The following KLHL5 variants were observed in gnomAD, a reference collection of about 807,000 sequenced individuals.
KLHL5 encodes the protein kelch-like protein 5.
In KLHL5, 48 loss-of-function variants were observed where a neutral mutation model predicts 77.7. The ratio of observed to expected loss-of-function variants is 0.62; its 90% CI spans 0.49 to 0.79. The LOEUF is 0.79. KLHL5 is among the 30% of genes least tolerant of loss of function. The pLI, the probability that KLHL5 is intolerant of heterozygous loss-of-function variation, is 0.00. For synonymous variants in KLHL5, 260 were observed against 297.0 expected (o/e 0.88, Z 1.28); for missense variants, 723 against 859.7 (o/e 0.84, Z 1.99).
At chr4:39,077,716 A>T (rs1270154818) in intron 2 of KLHL5, among the ~76,000 whole-genome samples, 2 of 150,212 alleles carry the variant, frequency 1.3e-5, no homozygotes, top group Non-Finnish European at 3.0e-5. Context: ...AAAACAAAAA[A>T]CAAACAAACA....
chr4:39,142,603 C>T, the KLHL5 span, among the ~76,000 whole-genome samples: 1 of 152,082 alleles, frequency 6.6e-6, no homozygotes, highest in Non-Finnish European at 1.5e-5. Context: ...AAAATGAAGA[C>T]TGACTCCCAG....
chr4:39,098,006 TGCCTGTAGTCCCA>T (rs1721220044), intron 6 of KLHL5, among the ~76,000 whole-genome samples: 1 of 151,438 alleles, frequency 6.6e-6, no homozygotes, highest in Non-Finnish European at 1.5e-5. Context: ...TGGTGGTGCA[TGCCTGTAGTCCCA>T]GCTACACGTG....
At chr4:39,048,212 A>C (rs1716345893) in intron 1 of KLHL5, among the ~76,000 whole-genome samples, 1 of 152,208 alleles carries the variant, frequency 6.6e-6, no homozygotes, top group Non-Finnish European at 1.5e-5. Flanking sequence ...GCAAGTACAG[A>C]GAGTTGAGAG....
chr4:39,087,644 C>T (rs1720171774), intron 5 of KLHL5, among the ~76,000 whole-genome samples: 1 of 152,126 alleles, frequency 6.6e-6, no homozygotes, highest in Non-Finnish European at 1.5e-5. Flanking sequence ...TCAGTCATAA[C>T]ATTTACATGC....
At chr4:39,089,058 GA>G (rs1350468312) in intron 5 of KLHL5, among the ~76,000 whole-genome samples, 1 of 152,132 alleles carries the variant, frequency 6.6e-6, no homozygotes, top group Middle Eastern at 3.2e-3. Context: ...TTTTATTTCA[GA>G]AAGATTACTA....
At chr4:39,061,276 A>T (rs1253799055), upstream of KLHL5, among the ~76,000 whole-genome samples, 3 of 152,138 alleles carry the variant, frequency 2.0e-5, no homozygotes, top group Non-Finnish European at 2.9e-5. Context: ...CCTCCAAAGT[A>T]GTTTTTGTTT....
chr4:39,101,977 C>CATAT (rs10565740), intron 6 of KLHL5, among the ~76,000 whole-genome samples: 1 of 145,752 alleles, frequency 6.9e-6, no homozygotes, highest in African/African-American at 2.5e-5. Context: ...TATATGTATA[C>CATAT]ATATATATAT....
downstream of KLHL5, among the ~76,000 whole-genome samples, chr4:39,130,688 C>A (rs183949342): frequency 4.6e-5 from 7 of 152,318 alleles, no homozygotes; most frequent in African/African-American, 1.7e-4. Context: ...CCATTCCACA[C>A]AATGGTGCCG....
intron 1 of KLHL5, among the ~76,000 whole-genome samples, chr4:39,053,406 T>G (rs1577627235): frequency 6.6e-6 from 1 of 152,170 alleles, no homozygotes; most frequent in African/African-American, 2.4e-5. Context: ...TAAAGCTACG[T>G]GAAAGACAGA....
At chr4:39,139,696 A>T in the KLHL5 span, among the ~76,000 whole-genome samples, 1 of 152,232 alleles carries the variant, frequency 6.6e-6, no homozygotes, top group Non-Finnish European at 1.5e-5. Flanking sequence ...AACCTAAAAA[A>T]CAAAATCTAT....
chr4:39,087,524 C>T (rs1720160807), intron 5 of KLHL5, among the ~76,000 whole-genome samples: 1 of 137,470 alleles, frequency 7.3e-6, no homozygotes, highest in East Asian at 1.9e-4. Flanking sequence ...CCCTGACTAC[C>T]TCACAGGATT....
rs1721771530 is a variant in KLHL5, at chr4:39,103,439, G to A, written c.1453G>A (p.Val485Ile). Residue 485 changes from valine (V) to isoleucine (I), a missense_variant, in exon 7 of 11, where the codon GTA becomes ATA. By Grantham distance (29) the Val-to-Ile change is conservative. This residue lies in a region of KLHL5 where 288 missense variants were observed against 400.3 expected (regional missense o/e 0.72). Transcript: ENST00000504108. ...GRDGLKTLNT[V>I]ECYNPKTKTW... ...AGATGGACTGAAGACTTTGAATACT[G>A]TAGAGTGCTACAACCCCAAAACAAA... 1 of 1,614,184 alleles carries A rather than the reference G, an allele frequency of 6.2e-7. No individual in the cohort carries two copies. The highest frequency in any genetic ancestry group is 8.5e-7 in the Non-Finnish European group (1 of 1,180,026).
chr4:39,078,413 C>T (rs1719288728), intron 2 of KLHL5, among the ~76,000 whole-genome samples: 1 of 150,720 alleles, frequency 6.6e-6, no homozygotes, highest in Admixed American at 6.6e-5. Flanking sequence ...ATACAATAGG[C>T]CAGGCTTGGT....
chr4:39,104,517 C>T (rs1721871491), intron 7 of KLHL5, among the ~76,000 whole-genome samples: 1 of 152,126 alleles, frequency 6.6e-6, no homozygotes, highest in Admixed American at 6.5e-5. Context: ...GGATATAGTA[C>T]ATAGAATGTG....
chr4:39,048,846 G>A (rs1022313529), intron 1 of KLHL5, among the ~76,000 whole-genome samples: 14 of 151,898 alleles, frequency 9.2e-5, no homozygotes, highest in African/African-American at 3.4e-4. Context: ...GTTTCATCAT[G>A]TTGACCAGCC....
intron 8 of KLHL5, among the ~76,000 whole-genome samples, chr4:39,110,022 A>C (rs1324495885): frequency 6.6e-6 from 1 of 152,176 alleles, no homozygotes; most frequent in Non-Finnish European, 1.5e-5. Context: ...TTAGACTTCC[A>C]ATTGCTCAGG....
At position 39,045,098 on chromosome 4, in the gene KLHL5, T is replaced by A. The variant is rs1716055718; in HGVS notation, c.-95+2T>A. On this transcript the variant is annotated splice_donor_variant, in intron 1 of 11. Coordinates refer to the KLHL5 transcript ENST00000261425. LOFTEE classifies it low-confidence loss of function (5UTR_SPLICE). Reference sequence around the variant, plus strand: ...CGGCCGCCTCCGGAGCCCGACGCGGTAAGTGCGACTTCCTTCTCGGCATCG... The same window carrying A: ...CGGCCGCCTCCGGAGCCCGACGCGGAAAGTGCGACTTCCTTCTCGGCATCG... 1 of 985,660 alleles carries A rather than the reference T, an allele frequency of 1.0e-6. No homozygotes were observed. Among genetic ancestry groups the A allele is most frequent in the Admixed American group, 6.2e-5 (1 of 16,146 alleles). The allele number at this position is 985,660 out of a possible 1,614,324, so 61.1% of individuals were successfully genotyped here. A position where few individuals can be genotyped will look rare whatever the true frequency, so the allele number is the denominator to read the frequency against.
At chr4:39,075,802 C>G (rs1718972988) in intron 1 of KLHL5, among the ~76,000 whole-genome samples, 163 bp from the exon 2 acceptor site, 1 of 152,280 alleles carries the variant, frequency 6.6e-6, no homozygotes, top group South Asian at 2.1e-4. Context: ...CTTAAGGCAT[C>G]ATTGATTTTT....
intron 9 of KLHL5, among the ~76,000 whole-genome samples, chr4:39,114,833 C>T (rs866860274): frequency 6.6e-6 from 1 of 152,158 alleles, no homozygotes; most frequent in African/African-American, 2.4e-5. Flanking sequence ...TGGACAGCTA[C>T]AATGATTGAG....
Sources: allele counts gnomAD v4.1 joint callset (sites outside exome capture counted in the v4.1 genomes callset), GRCh38; gene constraint gnomAD v4.1.1; regional missense constraint gnomAD v4.1.1; transcripts MANE v1.5; gene names NCBI Gene and HGNC (gene_info 2026-07-23, HGNC 2026-07-21).